Variants in SESTD1 observed in about 807,000 individuals in gnomAD.
The protein encoded by SESTD1 is SEC14 and spectrin domain containing 1.
Under a neutral mutation model 101.7 loss-of-function variants are expected in SESTD1, and 43 were observed. The ratio of observed to expected loss-of-function variants is 0.42; its 90% CI spans 0.33 to 0.55. SESTD1 has a LOEUF of 0.55. Ranked by LOEUF, SESTD1 falls within the 20% of genes least tolerant of loss-of-function variation. SESTD1 has a pLI of 0.07. For missense variants in SESTD1, 647 were observed against 815.1 expected (o/e 0.79, Z 2.51); for synonymous variants, 283 against 286.8 (o/e 0.99, Z 0.13).
Position 179,108,774 on chromosome 2 carries a change from T to G in SESTD1, c.*1125A>C, listed in dbSNP as rs1195786741. The G allele has an allele frequency of 1.3e-5, 2 of 152,116 alleles. No homozygotes were observed. The highest frequency in any genetic ancestry group is 4.8e-5 in the African/African-American group (2 of 41,430). The allele number at this position is 152,116 out of a possible 1,614,324, so 9.4% of individuals were successfully genotyped here. On this transcript the variant is annotated 3_prime_UTR_variant, in exon 18 of 18. Transcript: ENST00000428443. ...TTTAAATTATATGCATTTTACCATT[T>G]AAACTTAATACAAACTTAAAAGAAC...
chr2:179,257,839 G>A (rs1242803083), intron 1 of SESTD1, among the ~76,000 whole-genome samples: 3 of 152,168 alleles, frequency 2.0e-5, no homozygotes, highest in African/African-American at 7.2e-5. Flanking sequence ...CAGAAGGGGA[G>A]CTACCTTGGT....
At position 179,101,688 on chromosome 2, in the gene SESTD1, C is replaced by G. The variant is rs1168003982; in HGVS notation, c.*8211G>C. 2.0e-5 allele frequency: 3 copies of G among 152,228 alleles called. No individual in the cohort carries two copies. The highest frequency in any genetic ancestry group is 2.9e-5 in the Non-Finnish European group (2 of 68,004). 9.4% of individuals were successfully genotyped at this position (152,228 alleles called of 1,614,324 possible). The stretch of plus-strand genomic sequence containing the variant: ...CAGGAATGTCAAGTGTTGATATTGA[C>G]TCATTCACATTTTCTCCCAATTTTA... On this transcript the variant is annotated 3_prime_UTR_variant, in exon 18 of 18. Coordinates refer to ENST00000428443, the MANE Select transcript of SESTD1 (RefSeq NM_178123.5).
rs2044329236 is a variant in SESTD1 at position 179,104,081 on chromosome 2, A to G, written c.*5818T>C. The G allele has an allele frequency of 6.6e-6, 1 of 152,146 alleles. No individual in the cohort carries two copies. Among genetic ancestry groups the G allele is most frequent in the Non-Finnish European group, 1.5e-5 (1 of 68,002 alleles). 9.4% of individuals were successfully genotyped at this position (152,146 alleles called of 1,614,324 possible). A position where few individuals can be genotyped will look rare whatever the true frequency, so the allele number is the denominator to read the frequency against. The stretch of plus-strand genomic sequence containing the variant: ...TCATAACAAGATGTTGGGTAAAAAT[A>G]CAGGGTGCAATGTTTACCAAATAGT... On this transcript the variant is annotated 3_prime_UTR_variant, in exon 18 of 18. Transcript: ENST00000428443.
chr2:179,129,167 A>C (rs1297054929), intron 10 of SESTD1, among the ~76,000 whole-genome samples: 1 of 152,230 alleles, frequency 6.6e-6, no homozygotes, highest in African/African-American at 2.4e-5. Flanking sequence ...GCACCAGAGA[A>C]AGTGGTTTCT....
At chr2:179,184,392 T>G (rs1483919535) in intron 2 of SESTD1, among the ~76,000 whole-genome samples, 1 of 152,180 alleles carries the variant, frequency 6.6e-6, no homozygotes, top group African/African-American at 2.4e-5. Context: ...ATGCAATTCA[T>G]AACATATGAA....
chr2:179,195,057 G>C (rs1462875145), intron 1 of SESTD1, among the ~76,000 whole-genome samples: 1 of 152,200 alleles, frequency 6.6e-6, no homozygotes, highest in Non-Finnish European at 1.5e-5. Context: ...TTAACTGCTG[G>C]CTGCTTTAGA....
chr2:179,194,016 G>C (rs1239723868), intron 1 of SESTD1, among the ~76,000 whole-genome samples: 3 of 152,126 alleles, frequency 2.0e-5, no homozygotes, highest in Non-Finnish European at 4.4e-5. Flanking sequence ...CAAATCTGCT[G>C]AATGTGCATG....
chr2:179,175,790 C>G (rs2046001432), intron 4 of SESTD1, among the ~76,000 whole-genome samples: 1 of 152,140 alleles, frequency 6.6e-6, no homozygotes, highest in Non-Finnish European at 1.5e-5. Flanking sequence ...CTACTACATG[C>G]CAGGGGATCA....
In SESTD1 at chr2:179,190,070, C is replaced by CA. The variant is rs199692668; in HGVS notation, c.55+1716dup. On this transcript the variant is annotated intron_variant, in intron 2 of 17. Transcript: ENST00000428443. Reference sequence around the variant, plus strand: ...AAAAAAACTAAAGTTCATATGGAAACAAAAAAAAGCCCAATTAGCTACAGC... The same window carrying CA: ...AAAAAAACTAAAGTTCATATGGAAACAAAAAAAAAGCCCAATTAGCTACAGC... Among the ~76,000 whole-genome samples the CA allele has an allele frequency of 7.6e-3, 1,154 of 151,420 alleles. 15 individuals carry two copies. The highest frequency in any genetic ancestry group is 0.026 in the African/African-American group (1,061 of 41,350).
At chr2:179,149,478 T>C (rs1169616599) in intron 6 of SESTD1, 84 bp from the exon 7 acceptor site, 11 of 899,260 alleles carry the variant, frequency 1.2e-5, no homozygotes, top group Non-Finnish European at 1.6e-5. Context: ...AGTAATAGAA[T>C]TGGCCAGCTA....
intron 2 of SESTD1, among the ~76,000 whole-genome samples, chr2:179,185,334 T>C (rs2046192716): frequency 6.8e-6 from 1 of 147,636 alleles, no homozygotes; most frequent in Non-Finnish European, 1.5e-5. Flanking sequence ...ATAGCATATA[T>C]TAATATTATA....
intron 4 of SESTD1, among the ~76,000 whole-genome samples, chr2:179,172,479 T>C (rs1014171200): frequency 6.6e-6 from 1 of 152,230 alleles, no homozygotes; most frequent in Non-Finnish European, 1.5e-5. Context: ...TGAATTACTT[T>C]TTGTTTTACT....
rs1198097452 is a variant in SESTD1, at chr2:179,209,662, A to C, written c.-25-17796T>G. Among the ~76,000 whole-genome samples, 2 of 134,508 alleles carry C rather than the reference A, an allele frequency of 1.5e-5. 1 individual carries two copies. Among genetic ancestry groups the C allele is most frequent in the African/African-American group, 5.9e-5 (2 of 33,898 alleles). 88.2% of individuals were successfully genotyped at this position (134,508 alleles called of 152,430 possible). On this transcript the variant is annotated intron_variant, in intron 1 of 17. Coordinates refer to ENST00000428443, the MANE Select transcript of SESTD1 (RefSeq NM_178123.5). ...GATAGAAAAAATTTCTTTGAACTGAACAATAATAGCGACACAACCTATCAA... is the reference window on the plus strand; with the variant it reads ...GATAGAAAAAATTTCTTTGAACTGACCAATAATAGCGACACAACCTATCAA...
intron 9 of SESTD1, among the ~76,000 whole-genome samples, chr2:179,135,986 T>C (rs920556310): frequency 2.0e-5 from 3 of 152,186 alleles, no homozygotes; most frequent in African/African-American, 7.2e-5. Flanking sequence ...TGAGTTATCT[T>C]TGGAGGGCTA....
chr2:179,192,501 AT>A (rs1383695689), intron 1 of SESTD1, among the ~76,000 whole-genome samples: 1 of 151,984 alleles, frequency 6.6e-6, no homozygotes, highest in Non-Finnish European at 1.5e-5. Flanking sequence ...ACAGTTTTTA[AT>A]TTTCCAGGGA....
intron 6 of SESTD1, among the ~76,000 whole-genome samples, chr2:179,149,763 T>G (rs955876188): frequency 6.6e-6 from 1 of 152,242 alleles, no homozygotes; most frequent in African/African-American, 2.4e-5. Context: ...TTTATGTTAT[T>G]CTATCACCAA....
chr2:179,198,649 T>A (rs1170816360), intron 1 of SESTD1, among the ~76,000 whole-genome samples: 2 of 151,408 alleles, frequency 1.3e-5, no homozygotes, highest in Admixed American at 6.6e-5. Flanking sequence ...GGATTAAGAA[T>A]CTCACTCAAA....
chr2:179,126,684 C>T (rs1021170148), intron 10 of SESTD1, among the ~76,000 whole-genome samples: 11 of 152,152 alleles, frequency 7.2e-5, no homozygotes, highest in Non-Finnish European at 1.0e-4. Context: ...ACACTGACCC[C>T]TCCCATGAAC....
intron 1 of SESTD1, among the ~76,000 whole-genome samples, chr2:179,223,379 T>C (rs539778285): frequency 6.6e-6 from 1 of 152,164 alleles, no homozygotes; most frequent in Admixed American, 6.5e-5. Flanking sequence ...AGCTCTGAAA[T>C]CTACTAAAAA....
Sources: allele counts gnomAD v4.1 joint callset (sites outside exome capture counted in the v4.1 genomes callset), GRCh38; gene constraint gnomAD v4.1.1; transcripts MANE v1.5; gene names NCBI Gene and HGNC (gene_info 2026-07-23, HGNC 2026-07-21).